TRPC4: variants seen among roughly 807,000 people sequenced by gnomAD.
TRPC4 encodes transient receptor potential cation channel subfamily C member 4.
Under a neutral mutation model 99.4 loss-of-function variants are expected in TRPC4, and 49 were observed. The observed-to-expected ratio is 0.49, with a 90% CI of 0.39 to 0.63. The LOEUF (loss-of-function observed/expected upper bound fraction) is 0.63, where lower values mean the gene tolerates loss of function less well. Ranked by LOEUF, TRPC4 falls within the 20% of genes least tolerant of loss-of-function variation. The probability of loss-of-function intolerance (pLI) is 0.00; values close to 1 mark genes in which losing one functional copy is unlikely to be tolerated. For missense variants in TRPC4, 898 were observed against 1,152.9 expected (o/e 0.78, Z 3.20); for synonymous variants, 454 against 425.9 (o/e 1.07, Z -0.81).
intron 2 of TRPC4, among the ~76,000 whole-genome samples, chr13:37,754,959 C>T (rs911274318): frequency 1.3e-5 from 2 of 152,064 alleles, no homozygotes; most frequent in Non-Finnish European, 2.9e-5. Context: ...TGATGTTTTA[C>T]CCAAATGTAT....
intron 1 of TRPC4, among the ~76,000 whole-genome samples, chr13:37,792,070 T>C (rs561831862): frequency 6.6e-6 from 1 of 152,276 alleles, no homozygotes; most frequent in African/African-American, 2.4e-5. Flanking sequence ...TTTCTGATTT[T>C]AAAGATCACT....
intron 1 of TRPC4, among the ~76,000 whole-genome samples, chr13:37,827,537 G>A (rs1041413661): frequency 7.2e-5 from 11 of 152,124 alleles, no homozygotes; most frequent in Non-Finnish European, 1.2e-4. Flanking sequence ...TGCGGTGTGA[G>A]GTGTCAGTGT....
chr13:37,637,151 C>A lies in TRPC4; in HGVS notation c.2686G>T (p.Asp896Tyr). 1 of 1,613,778 alleles carries A rather than the reference C, an allele frequency of 6.2e-7. No homozygotes were observed. Among genetic ancestry groups the A allele is most frequent in the South Asian group, 1.1e-5 (1 of 91,050 alleles). The change falls in exon 11 of 11, where the codon GAC becomes TAC. Residue 896 changes from aspartate (D) to tyrosine (Y), a missense_variant. By Grantham distance (160) the Asp-to-Tyr change is radical. This residue lies in a region of TRPC4 where 346 missense variants were observed against 351.4 expected (regional missense o/e 0.98). Transcript: ENST00000379705. Reference protein sequence around the residue: ...LESRGLASRGDLSIPGLSEQC... With the variant: ...LESRGLASRGYLSIPGLSEQC... The stretch of plus-strand genomic sequence containing the variant: ...TCACTGAGACCGGGAATGCTCAGGT[C>A]ACCCCGTGAAGCTAATCCTCGAGAT...
At chr13:37,814,066 A>G (rs1010437570) in intron 1 of TRPC4, among the ~76,000 whole-genome samples, 1 of 151,818 alleles carries the variant, frequency 6.6e-6, no homozygotes, top group African/African-American at 2.4e-5. Flanking sequence ...TCAATACAAT[A>G]AAAAAACCCA....
chr13:37,760,946 T>C (rs1357068828), intron 2 of TRPC4, among the ~76,000 whole-genome samples: 1 of 151,924 alleles, frequency 6.6e-6, no homozygotes, highest in Non-Finnish European at 1.5e-5. Flanking sequence ...GAAGCCTATT[T>C]TCTGTCTACT....
chr13:37,841,547 A>C (rs1239671885), intron 1 of TRPC4, among the ~76,000 whole-genome samples: 2 of 151,944 alleles, frequency 1.3e-5, no homozygotes, highest in Non-Finnish European at 2.9e-5. Context: ...ATAAAACTTT[A>C]ACACTAAATA....
In TRPC4 at chr13:37,683,984, T is replaced by C. The variant is rs548535138; in HGVS notation, c.1234+8015A>G. ...GGGAACAAGGAAAGGATATTTGATATAAGGTGGCCAAGGAGAGTGATAGAA... is the reference window on the plus strand; with the variant it reads ...GGGAACAAGGAAAGGATATTTGATACAAGGTGGCCAAGGAGAGTGATAGAA... On this transcript the variant is annotated intron_variant, in intron 4 of 10. Transcript: ENST00000379705. Among the ~76,000 whole-genome samples, 46 of 152,322 alleles carry C rather than the reference T, an allele frequency of 3.0e-4. No individual in the cohort carries two copies. The South Asian group carries it at 9.3e-3, about 31-fold the overall frequency.
chr13:37,702,224 A>G (rs963963904), intron 3 of TRPC4, among the ~76,000 whole-genome samples: 41 of 152,152 alleles, frequency 2.7e-4, no homozygotes, highest in African/African-American at 8.2e-4. Context: ...AGTCTGTCCC[A>G]CTCCAGAATG....
At chr13:37,647,510 C>T (rs754680847) in intron 8 of TRPC4, among the ~76,000 whole-genome samples, 16 of 152,132 alleles carry the variant, frequency 1.1e-4, no homozygotes, top group Non-Finnish European at 1.6e-4. Flanking sequence ...GCATGTTCAC[C>T]AGACTTCTCA....
intron 3 of TRPC4, among the ~76,000 whole-genome samples, chr13:37,742,339 T>C (rs1955616590): frequency 3.9e-5 from 6 of 152,100 alleles, no homozygotes; most frequent in Admixed American, 3.9e-4. Context: ...AATAGTGCAA[T>C]TTATTCAGGC....
intron 3 of TRPC4, among the ~76,000 whole-genome samples, chr13:37,716,090 T>C (rs1954653411): frequency 7.0e-6 from 1 of 142,374 alleles, no homozygotes; most frequent in Non-Finnish European, 1.5e-5. Context: ...TTTTACAGAC[T>C]AAGAGAAACA....
intron 3 of TRPC4, among the ~76,000 whole-genome samples, chr13:37,745,547 T>C (rs1424402373): frequency 4.2e-5 from 6 of 143,586 alleles, no homozygotes; most frequent in African/African-American, 1.6e-4. Flanking sequence ...CGTATATATA[T>C]ATATATATAA....
intron 2 of TRPC4, among the ~76,000 whole-genome samples, chr13:37,753,100 GA>G (rs1317558644): frequency 2.1e-4 from 32 of 151,468 alleles, no homozygotes; most frequent in East Asian, 1.9e-4. Context: ...TTAATTTAGA[GA>G]TTTTTTTAAT....
At chr13:37,663,767 A>G in intron 5 of TRPC4, 38 bp from the exon 6 acceptor site, 1 of 1,528,326 alleles carries the variant, frequency 6.5e-7, no homozygotes, top group Non-Finnish European at 8.9e-7. Flanking sequence ...AGTAAAACAA[A>G]CACACGCATA....
In TRPC4 at chr13:37,639,319, TC is replaced by T; in HGVS notation, c.2080-21del. The T allele has an allele frequency of 6.2e-7, 1 of 1,612,666 alleles. No homozygotes were observed. Among genetic ancestry groups the T allele is most frequent in the Non-Finnish European group, 8.5e-7 (1 of 1,178,930 alleles). Reference sequence around the variant, plus strand: ...TCGCCTCTGAAAAGGAAAAGGACATTCCTTTCTGGTTATACTGTTATATTAC... The same window carrying T: ...TCGCCTCTGAAAAGGAAAAGGACATTCTTTCTGGTTATACTGTTATATTAC... On this transcript the variant is annotated intron_variant, in intron 8 of 10. Transcript: ENST00000379705.
intron 4 of TRPC4, among the ~76,000 whole-genome samples, chr13:37,676,152 T>C (rs1566088066): frequency 6.6e-6 from 1 of 151,132 alleles, no homozygotes; most frequent in South Asian, 2.1e-4. Flanking sequence ...ATAGGTGGAA[T>C]GAATAACTTT....
intron 1 of TRPC4, among the ~76,000 whole-genome samples, chr13:37,852,900 TG>T (rs1324862995): frequency 6.6e-6 from 1 of 150,894 alleles, no homozygotes; most frequent in East Asian, 2.0e-4. Flanking sequence ...GAAGGAAGAG[TG>T]GGAAGGACTT....
chr13:37,698,789 A>C (rs967559279), intron 3 of TRPC4, among the ~76,000 whole-genome samples: 1 of 152,204 alleles, frequency 6.6e-6, no homozygotes, highest in Admixed American at 6.5e-5. Flanking sequence ...CTAATTCACC[A>C]TTAAGCACGA....
intron 3 of TRPC4, among the ~76,000 whole-genome samples, chr13:37,705,723 T>C (rs1221383163): frequency 6.6e-6 from 1 of 152,102 alleles, no homozygotes; most frequent in African/African-American, 2.4e-5. Context: ...TTTACCTGCA[T>C]CTTTCTCATT....
Sources: gnomAD v4.1 joint callset for allele counts (sites outside exome capture counted in the v4.1 genomes callset) on GRCh38, gnomAD v4.1.1 for gene constraint, gnomAD v4.1.1 regional missense constraint, MANE v1.5 for transcripts, NCBI Gene and HGNC (gene_info 2026-07-23, HGNC 2026-07-21) for gene names.